Variants in ARIH1 observed in about 807,000 individuals in gnomAD.
The protein encoded by ARIH1 is ariadne RBR E3 ubiquitin protein ligase 1, also known as E3 ubiquitin-protein ligase ARIH1.
In ARIH1, 8 loss-of-function variants were observed where a neutral mutation model predicts 85.0. The observed-to-expected ratio is 0.09, with a 90% CI of 0.06 to 0.17. The LOEUF (loss-of-function observed/expected upper bound fraction) is 0.17. Ranked by LOEUF, ARIH1 falls within the 10% of genes least tolerant of loss-of-function variation. ARIH1 has a pLI of 1.00. For missense variants in ARIH1, 311 were observed against 718.1 expected, an observed-to-expected ratio of 0.43 and a Z score of 6.48; for synonymous variants, 238 against 253.6, an observed-to-expected ratio of 0.94 and a Z score of 0.59.
chr15:72,574,460 C>A (rs1488876296), intron 11 of ARIH1, among the ~76,000 whole-genome samples: 1 of 152,174 alleles, frequency 6.6e-6, no homozygotes, highest in African/African-American at 2.4e-5. Flanking sequence ...GAGTTGTAGT[C>A]TGAAAAATTA....
chr15:72,484,695 G>A (rs7175437), intron 1 of ARIH1, among the ~76,000 whole-genome samples: 5,736 of 150,562 alleles, frequency 0.038, 331 homozygotes, highest in African/African-American at 0.13. Context: ...ATATGTATGC[G>A]TGTGTATACG....
chr15:72,492,177 A>G (rs1247878238), intron 1 of ARIH1, among the ~76,000 whole-genome samples: 1 of 152,218 alleles, frequency 6.6e-6, no homozygotes, highest in South Asian at 2.1e-4. Context: ...TTAAAAACAC[A>G]AAGTTTAATA....
intron 1 of ARIH1, among the ~76,000 whole-genome samples, chr15:72,477,267 T>G (rs973637345): frequency 6.6e-6 from 1 of 152,208 alleles, no homozygotes; most frequent in African/African-American, 2.4e-5. Context: ...CCATTGCCCC[T>G]CTTTGGGATA....
rs28463280 is a variant in ARIH1, at chr15:72,552,464, A to G, written c.589-2807A>G. Among the ~76,000 whole-genome samples, 1,049 of 151,892 alleles carry G rather than the reference A, an allele frequency of 6.9e-3. 8 individuals carry two copies. Among genetic ancestry groups the G allele is most frequent in the African/African-American group, 0.024 (997 of 41,440 alleles). ...TACCACACCTGGCTAGTTTTTTTGT[A>G]TTTTTGATAGACACAGGGTTTCGCC... On this transcript the variant is annotated intron_variant, in intron 3 of 13. Coordinates refer to ENST00000379887, the MANE Select transcript of ARIH1 (RefSeq NM_005744.5).
intron 1 of ARIH1, among the ~76,000 whole-genome samples, chr15:72,485,704 C>G (rs1396097152): frequency 1.3e-5 from 2 of 152,024 alleles, no homozygotes; most frequent in East Asian, 1.9e-4. Context: ...TTCCTGCCTT[C>G]TAGGTAATTG....
chr15:72,595,799 G>GT lies in ARIH1; in HGVS notation c.*12513dup, dbSNP rs1382515122. On this transcript the variant is annotated 3_prime_UTR_variant, in exon 14 of 14. Coordinates refer to ENST00000379887, the MANE Select transcript of ARIH1 (RefSeq NM_005744.5). ...TGCCCAGCCTATTGCAGTGTTTTTT[G>GT]TTTTTTCTGTTTTTTTTTTTTTTTT... The GT allele has an allele frequency of 9.8e-6, 1 of 102,120 alleles. No individual in the cohort carries two copies. Among genetic ancestry groups the GT allele is most frequent in the Non-Finnish European group, 1.9e-5 (1 of 53,524 alleles). 6.3% of individuals were successfully genotyped at this position (102,120 alleles called of 1,614,324 possible). A position where few individuals can be genotyped will look rare whatever the true frequency, so the allele number is the denominator to read the frequency against.
chr15:72,576,902 C>G (rs1257075449), intron 11 of ARIH1, among the ~76,000 whole-genome samples: 2 of 152,056 alleles, frequency 1.3e-5, no homozygotes, highest in African/African-American at 2.4e-5. Flanking sequence ...TAATAGCCTA[C>G]TGATGACCAG....
In ARIH1 at chr15:72,586,172, A is replaced by C; in HGVS notation, c.*2880A>C. 6.6e-6 allele frequency: 1 copy of C among 152,220 alleles called. No individual in the cohort carries two copies. The highest frequency in any genetic ancestry group is 1.5e-5 in the Non-Finnish European group (1 of 68,040). The allele number at this position is 152,220 out of a possible 1,614,324, so 9.4% of individuals were successfully genotyped here. On this transcript the variant is annotated 3_prime_UTR_variant, in exon 14 of 14. Coordinates refer to ENST00000379887, the MANE Select transcript of ARIH1 (RefSeq NM_005744.5). The stretch of plus-strand genomic sequence containing the variant: ...TTATGTGTGTTTAAATAAATATGTT[A>C]GATACACGTGTATACATACACCCAT...
intron 1 of ARIH1, among the ~76,000 whole-genome samples, chr15:72,489,216 C>G (rs888434185): frequency 1.4e-5 from 2 of 140,994 alleles, no homozygotes; most frequent in Non-Finnish European, 3.0e-5. Context: ...CTACTGCACT[C>G]CAGCCTAGGC....
intron 5 of ARIH1, among the ~76,000 whole-genome samples, chr15:72,557,838 C>T (rs938964474): frequency 5.3e-5 from 8 of 152,008 alleles, no homozygotes; most frequent in South Asian, 2.1e-4. Context: ...ATTAATTTGG[C>T]GCTTACCTTG....
intron 2 of ARIH1, among the ~76,000 whole-genome samples, chr15:72,531,158 C>T (rs141716089): frequency 2.6e-5 from 4 of 152,222 alleles, no homozygotes; most frequent in Non-Finnish European, 5.9e-5. Context: ...AATTTTGACT[C>T]GTGAAAAATT....
At chr15:72,568,674 T>C (rs1294584522) in intron 9 of ARIH1, among the ~76,000 whole-genome samples, 1 of 152,196 alleles carries the variant, frequency 6.6e-6, no homozygotes, top group African/African-American at 2.4e-5. Flanking sequence ...TTTTGGAGGT[T>C]TAATACTATT....
chr15:72,529,356 G>A (rs1454483473), intron 2 of ARIH1, among the ~76,000 whole-genome samples: 3 of 152,132 alleles, frequency 2.0e-5, no homozygotes, highest in Non-Finnish European at 2.9e-5. Context: ...TGATTCTCTC[G>A]CCTCAGCCTC....
chr15:72,587,351 C>T lies in ARIH1; in HGVS notation c.*4059C>T, dbSNP rs1280685803. On this transcript the variant is annotated 3_prime_UTR_variant, in exon 14 of 14. Coordinates refer to ENST00000379887, the MANE Select transcript of ARIH1 (RefSeq NM_005744.5). Reference sequence around the variant, plus strand: ...CCACATTAAAGACTATTATAAATGCCTATCACTGCTACTGTTAGAGGTTGC... The same window carrying T: ...CCACATTAAAGACTATTATAAATGCTTATCACTGCTACTGTTAGAGGTTGC... 9 of 467,758 alleles carry T rather than the reference C, an allele frequency of 1.9e-5. No homozygotes were observed. The highest frequency in any genetic ancestry group is 4.0e-5 in the Non-Finnish European group (9 of 225,452). The allele number at this position is 467,758 out of a possible 1,614,324, so 29.0% of individuals were successfully genotyped here.
chr15:72,503,333 G>T (rs777155834), intron 1 of ARIH1, among the ~76,000 whole-genome samples: 4 of 152,308 alleles, frequency 2.6e-5, no homozygotes, highest in Non-Finnish European at 5.9e-5. Context: ...TAAGGCAGCA[G>T]CTAGACTGTT....
At chr15:72,579,389 A>G (rs2064286520) in intron 11 of ARIH1, among the ~76,000 whole-genome samples, 1 of 152,198 alleles carries the variant, frequency 6.6e-6, no homozygotes, top group Non-Finnish European at 1.5e-5. Flanking sequence ...GGGAGCCCAG[A>G]ATACTTAATT....
In ARIH1 at chr15:72,547,967, G is replaced by C. The variant is rs1595866992; in HGVS notation, c.588+3003G>C. 2.0e-5 allele frequency among the ~76,000 whole-genome samples: 3 copies of C among 152,288 alleles called. No individual in the cohort carries two copies. In the East Asian group the frequency reaches 5.8e-4, roughly 29 times the overall value. ...ACTAGAATTCAAAATCATGACTTGA[G>C]ATTTACAGTGTAAATTTTTGTTTTG... On this transcript the variant is annotated intron_variant, in intron 3 of 13. Transcript: ENST00000379887.
At chr15:72,519,925 A>G (rs2063992133) in intron 2 of ARIH1, among the ~76,000 whole-genome samples, 1 of 152,174 alleles carries the variant, frequency 6.6e-6, no homozygotes, top group African/African-American at 2.4e-5. Flanking sequence ...ACACTGATTT[A>G]CTCAGAGTTT....
intron 5 of ARIH1, among the ~76,000 whole-genome samples, chr15:72,560,486 G>A (rs747301141): frequency 1.3e-5 from 2 of 152,182 alleles, no homozygotes; most frequent in Non-Finnish European, 2.9e-5. Flanking sequence ...CTGAGAAATG[G>A]AGAGTTCAAA....
Sources: allele counts gnomAD v4.1 joint callset (sites outside exome capture counted in the v4.1 genomes callset), GRCh38; gene constraint gnomAD v4.1.1; transcripts MANE v1.5; gene names NCBI Gene and HGNC (gene_info 2026-07-23, HGNC 2026-07-21).